FOXP2: variants seen among roughly 807,000 people sequenced by gnomAD.
The protein encoded by FOXP2 is forkhead box protein P2.
FOXP2 carries 12 observed loss-of-function variants against 115.8 expected under a neutral mutation model. That is an observed-to-expected ratio of 0.10 (90% CI 0.07 to 0.17). The LOEUF (loss-of-function observed/expected upper bound fraction) is 0.17, where lower values mean the gene tolerates loss of function less well. FOXP2 is among the 10% of genes least tolerant of loss of function. The pLI is 1.00. For synonymous variants in FOXP2, 328 were observed against 297.7 expected, an observed-to-expected ratio of 1.10 and a Z score of -1.05; for missense variants, 629 against 843.5, an observed-to-expected ratio of 0.75 and a Z score of 3.15.
intron 2 of FOXP2, among the ~76,000 whole-genome samples, chr7:114,372,496 A>T (rs1792037678): frequency 6.6e-6 from 1 of 152,180 alleles, no homozygotes; most frequent in Admixed American, 6.5e-5. Flanking sequence ...TAAAATAAAA[A>T]CTATTTTAAA....
chr7:114,456,344 C>T (rs1795312356), intron 2 of FOXP2, among the ~76,000 whole-genome samples: 1 of 152,158 alleles, frequency 6.6e-6, no homozygotes. Context: ...AACCCAGGTA[C>T]AGTAAAACAC....
intron 6 of FOXP2, among the ~76,000 whole-genome samples, chr7:114,632,885 G>A (rs1392449258): frequency 3.9e-5 from 6 of 151,936 alleles, no homozygotes; most frequent in African/African-American, 1.2e-4. Flanking sequence ...ATAAATCATA[G>A]CGTCATTATA....
chr7:114,534,838 G>A (rs1347827454), intron 3 of FOXP2, 132 bp downstream of exon 3: 5 of 719,858 alleles, frequency 6.9e-6, no homozygotes, highest in Non-Finnish European at 1.2e-5. Flanking sequence ...AATTCATAAA[G>A]AGAATTCATT....
intron 1 of FOXP2, among the ~76,000 whole-genome samples, chr7:114,185,761 G>T (rs1324305480): frequency 1.3e-5 from 2 of 152,112 alleles, no homozygotes; most frequent in Non-Finnish European, 2.9e-5. Flanking sequence ...TGATAAAAAT[G>T]AATCTCAAGA....
chr7:114,545,878 C>T (rs976455798), intron 3 of FOXP2, among the ~76,000 whole-genome samples: 1 of 152,162 alleles, frequency 6.6e-6, no homozygotes, highest in African/African-American at 2.4e-5. Flanking sequence ...TCCCCATCCT[C>T]ACCAGCACAC....
intron 2 of FOXP2, among the ~76,000 whole-genome samples, chr7:114,344,037 T>A (rs1791278003): frequency 6.6e-6 from 1 of 150,938 alleles, no homozygotes; most frequent in African/African-American, 2.4e-5. Context: ...ACAGCAGTGA[T>A]TTTTGTCTGT....
intron 10 of FOXP2, chr7:114,656,603 C>T (rs1806604412): frequency 5.3e-6 from 2 of 377,782 alleles, no homozygotes. Context: ...ATGTACGTAA[C>T]AAAGAATTCC....
chr7:114,578,847 G>A (rs973980172), intron 3 of FOXP2, among the ~76,000 whole-genome samples: 1 of 152,136 alleles, frequency 6.6e-6, no homozygotes, highest in Admixed American at 6.6e-5. Flanking sequence ...CCTCAGAAAT[G>A]TTTTAAAGTG....
chr7:114,397,188 A>G (rs1792765364), intron 2 of FOXP2, among the ~76,000 whole-genome samples: 2 of 152,144 alleles, frequency 1.3e-5, no homozygotes, highest in South Asian at 2.1e-4. Context: ...ATACTTTAAA[A>G]TTTAAAAATT....
At chr7:114,361,975 C>T (rs1791756029) in intron 2 of FOXP2, among the ~76,000 whole-genome samples, 1 of 151,694 alleles carries the variant, frequency 6.6e-6, no homozygotes, top group Non-Finnish European at 1.5e-5. Context: ...TCTGAATGAG[C>T]CCAGAGTCAA....
chr7:114,144,563 A>G (rs6466480), intron 1 of FOXP2, among the ~76,000 whole-genome samples: 148,073 of 152,038 alleles, frequency 0.97, 72,236 homozygotes, highest in East Asian at 1. Flanking sequence ...AACCATGTTG[A>G]GTATTATTTT....
chr7:114,688,284 A>G (rs1271815948), intron 16 of FOXP2, among the ~76,000 whole-genome samples: 4 of 148,768 alleles, frequency 2.7e-5, no homozygotes, highest in South Asian at 2.1e-4. Flanking sequence ...GCATTTCAAC[A>G]TGCCTGGTTC....
At chr7:114,400,664 C>G (rs1340394512) in intron 2 of FOXP2, among the ~76,000 whole-genome samples, 1 of 152,098 alleles carries the variant, frequency 6.6e-6, no homozygotes, top group African/African-American at 2.4e-5. Context: ...GATCATCAGG[C>G]ATTAAATTCT....
At chr7:114,219,367 G>A (rs1794561343) in intron 1 of FOXP2, among the ~76,000 whole-genome samples, 1 of 152,102 alleles carries the variant, frequency 6.6e-6, no homozygotes, top group African/African-American at 2.4e-5. Flanking sequence ...AACTTTAAAA[G>A]AGTATGTTAA....
chr7:114,289,939 G>C (rs750305274), intron 2 of FOXP2, among the ~76,000 whole-genome samples: 4 of 151,866 alleles, frequency 2.6e-5, no homozygotes, highest in Non-Finnish European at 5.9e-5. Flanking sequence ...GGAAGAAAAT[G>C]TTGGAGAAGC....
At chr7:114,309,409 C>G (rs999485311) in intron 2 of FOXP2, among the ~76,000 whole-genome samples, 4 of 152,162 alleles carry the variant, frequency 2.6e-5, no homozygotes, top group African/African-American at 7.2e-5. Flanking sequence ...GTCTGGCATG[C>G]AGTGGTAGCT....
chr7:114,427,432 A>C (rs984542418), intron 2 of FOXP2, among the ~76,000 whole-genome samples: 31 of 151,568 alleles, frequency 2.0e-4, no homozygotes, highest in African/African-American at 7.3e-4. Context: ...ACCAAAAAAT[A>C]GCCACTTCAT....
Position 114,692,680 on chromosome 7 carries a change from A to G in FOXP2, c.*2754A>G, listed in dbSNP as rs1268651939. ...GCTTGAACTTCTGTGCATACCTTAT[A>G]AAGCATAATGTCTGACAATTTAAAT... is the stretch of plus-strand genomic sequence containing the variant. On this transcript the variant is annotated 3_prime_UTR_variant, in exon 17 of 17. Coordinates refer to ENST00000350908, the MANE Select transcript of FOXP2 (RefSeq NM_014491.4). 4.5e-6 allele frequency: 2 copies of G among 444,292 alleles called. No individual in the cohort carries two copies. The highest frequency in any genetic ancestry group is 1.6e-5 in the South Asian group (1 of 62,040). 27.5% of individuals were successfully genotyped at this position (444,292 alleles called of 1,614,324 possible). A position where few individuals can be genotyped will look rare whatever the true frequency, so the allele number is the denominator to read the frequency against.
At chr7:114,103,693 T>A (rs990345622) in intron 1 of FOXP2, among the ~76,000 whole-genome samples, 9 of 152,066 alleles carry the variant, frequency 5.9e-5, no homozygotes, top group African/African-American at 2.2e-4. Context: ...AATATGTATC[T>A]CTTTTTGACA....
Sources: gnomAD v4.1 joint callset for allele counts (sites outside exome capture counted in the v4.1 genomes callset) on GRCh38, gnomAD v4.1.1 for gene constraint, MANE v1.5 for transcripts, NCBI Gene and HGNC (gene_info 2026-07-23, HGNC 2026-07-21) for gene names.